The following PLEKHG1 variants were observed in gnomAD, a reference collection of about 807,000 sequenced individuals.
The protein encoded by PLEKHG1 is pleckstrin homology domain-containing family G member 1.
Under a neutral mutation model 100.8 loss-of-function variants are expected in PLEKHG1, and 44 were observed. The observed-to-expected ratio is 0.44, with a 90% CI of 0.34 to 0.56. The LOEUF (loss-of-function observed/expected upper bound fraction) is 0.56. Ranked by LOEUF, PLEKHG1 falls within the 20% of genes least tolerant of loss-of-function variation. PLEKHG1 has a pLI of 0.01. For synonymous variants in PLEKHG1, 640 were observed against 662.5 expected (o/e 0.97, Z 0.52); for missense variants, 1,545 against 1,720.9 (o/e 0.90, Z 1.81).
chr6:150,711,334 T>A (rs947418644), intron 3 of PLEKHG1, among the ~76,000 whole-genome samples: 1 of 152,110 alleles, frequency 6.6e-6, no homozygotes, highest in African/African-American at 2.4e-5. Flanking sequence ...CCTCCAGGAA[T>A]CCCTTCAGTT....
intron 3 of PLEKHG1, among the ~76,000 whole-genome samples, chr6:150,685,293 G>A (rs898862321): frequency 2.0e-5 from 3 of 152,108 alleles, no homozygotes; most frequent in African/African-American, 4.8e-5. Context: ...GGGTGTGACA[G>A]GAACAGAGAT....
intron 1 of PLEKHG1, among the ~76,000 whole-genome samples, chr6:150,612,947 C>T (rs984962245): frequency 2.0e-5 from 3 of 152,184 alleles, no homozygotes; most frequent in Non-Finnish European, 4.4e-5. Flanking sequence ...TTTCATATGT[C>T]GGTTAGCTCA....
intron 2 of PLEKHG1, among the ~76,000 whole-genome samples, chr6:150,740,938 CTG>C (rs1411110973): frequency 2.8e-4 from 43 of 152,218 alleles, no homozygotes; most frequent in Admixed American, 2.7e-3. Context: ...TTCCATATCT[CTG>C]TGTTATTGTT....
At chr6:150,780,026 G>A (rs1785219707) in intron 3 of PLEKHG1, among the ~76,000 whole-genome samples, 1 of 151,756 alleles carries the variant, frequency 6.6e-6, no homozygotes, top group Non-Finnish European at 1.5e-5. Flanking sequence ...TCAGAGAGAG[G>A]GCCTATACTG....
Position 150,806,015 on chromosome 6 carries a change from C to T in PLEKHG1, c.912+1274C>T, listed in dbSNP as rs534645815. On this transcript the variant is annotated intron_variant, in intron 7 of 15. Coordinates refer to ENST00000358517, the Ensembl canonical transcript of PLEKHG1. The stretch of plus-strand genomic sequence containing the variant: ...TGGGCCCAGAGGCCAGTTCCAGGCT[C>T]CTGGCTGTCCCTAGAGTGAGATGGA... Among the ~76,000 whole-genome samples the T allele has an allele frequency of 1.2e-4, 18 of 152,286 alleles. No individual in the cohort carries two copies. In the South Asian group the frequency reaches 2.9e-3, roughly 25 times the overall value.
At chr6:150,777,206 A>T (rs1188142715) in intron 3 of PLEKHG1, among the ~76,000 whole-genome samples, 1 of 150,548 alleles carries the variant, frequency 6.6e-6, no homozygotes, top group Non-Finnish European at 1.5e-5. Context: ...AGCCACACTG[A>T]TGCAATCCTG....
In PLEKHG1 at chr6:150,733,931, G is replaced by A. The variant is rs199980034; in HGVS notation, c.250G>A (p.Glu84Lys). The A allele has an allele frequency of 4.4e-5, 71 of 1,614,190 alleles. No homozygotes were observed. In the Admixed American group the frequency reaches 7.0e-4, roughly 16 times the overall value. ...GCAACAGAACGCGGATGAGGGCAGC[G>A]AAAGGCCACCCAGAGCGCAGTGGAG... Residue 84 changes from glutamate (E) to lysine (K), a missense_variant, in exon 2 of 16, where the codon GAA (glutamate) becomes AAA (lysine). Glu to Lys is a moderately conservative substitution (Grantham distance 56). Transcript: ENST00000358517.
rs568812470 is a variant in PLEKHG1, at chr6:150,840,630, C to T, written c.3892C>T (p.Arg1298Cys). The change falls in exon 16 of 16, where the codon CGT becomes TGT. Residue 1298 changes from arginine (R) to cysteine (C), a missense_variant. Physicochemically the swap from Arg to Cys is radical, Grantham distance 180. Coordinates refer to ENST00000358517, the Ensembl canonical transcript of PLEKHG1. The stretch of plus-strand genomic sequence containing the variant: ...GTCGGAGTTGGAGCTATCTCACAAT[C>T]GTAGAAGGAAATCTGACTCAAAGTT... The T allele has an allele frequency of 1.2e-6, 2 of 1,614,158 alleles. No individual in the cohort carries two copies. The highest frequency in any genetic ancestry group is 2.2e-5 in the East Asian group (1 of 44,888).
At chr6:150,820,068 G>C (rs1776210994) in intron 12 of PLEKHG1, among the ~76,000 whole-genome samples, 2 of 152,128 alleles carry the variant, frequency 1.3e-5, no homozygotes, top group Non-Finnish European at 2.9e-5. Context: ...AGTTAGCCAG[G>C]CGTGGTGGTG....
At chr6:150,674,070 G>GA (rs890869108) in intron 3 of PLEKHG1, among the ~76,000 whole-genome samples, 9 of 151,880 alleles carry the variant, frequency 5.9e-5, no homozygotes, top group Admixed American at 5.9e-4. Flanking sequence ...TTTATTTAAG[G>GA]AAAAAAAGAA....
intron 1 of PLEKHG1, among the ~76,000 whole-genome samples, chr6:150,724,761 A>C (rs1426952928): frequency 6.6e-6 from 1 of 151,886 alleles, no homozygotes; most frequent in Non-Finnish European, 1.5e-5. Context: ...GGGTTTCATC[A>C]TGTTGGCCAG....
intron 3 of PLEKHG1, among the ~76,000 whole-genome samples, chr6:150,782,025 G>A (rs1188361745): frequency 2.0e-5 from 3 of 151,716 alleles, no homozygotes; most frequent in Admixed American, 6.6e-5. Flanking sequence ...TGATCCACCC[G>A]CCTTGGCCTC....
rs1390899034 is a variant in PLEKHG1, at chr6:150,697,105, A to AAG, written c.-98-36478_-98-36477insGA. On this transcript the variant is annotated intron_variant, in intron 3 of 3. Transcript: ENST00000367326. ...GAGTGAGACTCTGTCTAAAGAAAAAAAAAAAGAAGAAGAAGAAGAAGTACT... is the reference window on the plus strand; with the variant it reads ...GAGTGAGACTCTGTCTAAAGAAAAAAAGAAAAAGAAGAAGAAGAAGAAGTACT... Among the ~76,000 whole-genome samples the AAG allele has an allele frequency of 4.8e-3, 508 of 106,502 alleles. 3 individuals carry two copies. The highest frequency in any genetic ancestry group is 0.018 in the African/African-American group (482 of 26,154). The allele number at this position is 106,502 out of a possible 152,430, so 69.9% of individuals were successfully genotyped here. A position where few individuals can be genotyped will look rare whatever the true frequency, so the allele number is the denominator to read the frequency against.
chr6:150,796,473 T>A (rs948913704), intron 5 of PLEKHG1, among the ~76,000 whole-genome samples: 2 of 152,166 alleles, frequency 1.3e-5, no homozygotes, highest in South Asian at 4.1e-4. Context: ...GGAAGCATCC[T>A]TGGACAATGT....
chr6:150,654,325 G>A (rs1038116525), intron 3 of PLEKHG1, among the ~76,000 whole-genome samples: 2 of 152,190 alleles, frequency 1.3e-5, no homozygotes, highest in Non-Finnish European at 1.5e-5. Flanking sequence ...ATTAGAAATG[G>A]TATGTTTTCC....
intron 3 of PLEKHG1, among the ~76,000 whole-genome samples, chr6:150,692,670 A>G (rs562184485): frequency 2.0e-5 from 3 of 152,260 alleles, no homozygotes; most frequent in Non-Finnish European, 4.4e-5. Flanking sequence ...AAGGGAGAGT[A>G]TAGAGTAAGC....
At chr6:150,747,357 A>G (rs774518506) in intron 2 of PLEKHG1, among the ~76,000 whole-genome samples, 2 of 152,242 alleles carry the variant, frequency 1.3e-5, no homozygotes, top group East Asian at 1.9e-4. Flanking sequence ...TTAGTGTGAC[A>G]GTCCAGGCAG....
At chr6:150,752,240 A>G (rs1393579046) in intron 2 of PLEKHG1, among the ~76,000 whole-genome samples, 1 of 152,196 alleles carries the variant, frequency 6.6e-6, no homozygotes, top group African/African-American at 2.4e-5. Flanking sequence ...TAAAACAGTA[A>G]GTTTTTAATT....
At chr6:150,806,444 GGAGGCC>G (rs1267546577) in intron 7 of PLEKHG1, among the ~76,000 whole-genome samples, 1 of 151,916 alleles carries the variant, frequency 6.6e-6, no homozygotes, top group Non-Finnish European at 1.5e-5. Flanking sequence ...CTACACTTTG[GGAGGCC>G]GAGGCAGGCG....
Sources: allele counts gnomAD v4.1 joint callset (sites outside exome capture counted in the v4.1 genomes callset), GRCh38; gene constraint gnomAD v4.1.1; transcripts MANE v1.5; gene names NCBI Gene and HGNC (gene_info 2026-07-23, HGNC 2026-07-21).